RNF130: variants seen among roughly 807,000 people sequenced by gnomAD.
The protein encoded by RNF130 is E3 ubiquitin-protein ligase RNF130.
In RNF130, 21 loss-of-function variants were observed where a neutral mutation model predicts 44.6. That is an observed-to-expected ratio of 0.47 (90% CI 0.33 to 0.68). The LOEUF is 0.68. Ranked by LOEUF, RNF130 falls within the 30% of genes least tolerant of loss-of-function variation. The pLI, the probability that RNF130 is intolerant of heterozygous loss-of-function variation, is 0.02. For missense variants in RNF130, 479 were observed against 560.6 expected (o/e 0.85, Z 1.47); for synonymous variants, 214 against 210.4 (o/e 1.02, Z -0.15).
chr5:179,938,441 G>C (rs937666564), intron 7 of RNF130, among the ~76,000 whole-genome samples: 5 of 151,582 alleles, frequency 3.3e-5, no homozygotes, highest in African/African-American at 1.2e-4. Flanking sequence ...TAATGAGTAG[G>C]GGGTTTCTTT....
intron 7 of RNF130, among the ~76,000 whole-genome samples, chr5:179,929,875 A>T (rs537789852): frequency 3.3e-5 from 5 of 152,206 alleles, no homozygotes; most frequent in Admixed American, 3.3e-4. Flanking sequence ...CCTCCATAGT[A>T]TCGTGTCACT....
chr5:180,070,386 T>C (rs573020775), intron 1 of RNF130, among the ~76,000 whole-genome samples: 1 of 152,346 alleles, frequency 6.6e-6, no homozygotes, highest in Non-Finnish European at 1.5e-5. Flanking sequence ...CCTTATGTGA[T>C]TATTTTTCCC....
intron 5 of RNF130, among the ~76,000 whole-genome samples, chr5:179,971,155 A>C (rs1184919344): frequency 6.6e-6 from 1 of 152,104 alleles, no homozygotes; most frequent in African/African-American, 2.4e-5. Flanking sequence ...GACTGGAAAT[A>C]AGTCAGTCAT....
chr5:179,974,029 G>A (rs958576966), intron 5 of RNF130, among the ~76,000 whole-genome samples: 3 of 152,164 alleles, frequency 2.0e-5, no homozygotes, highest in African/African-American at 7.2e-5. Flanking sequence ...GAAGAGTGCT[G>A]CGGGAGGGGA....
At chr5:179,935,779 A>G (rs1582128309) in intron 7 of RNF130, among the ~76,000 whole-genome samples, 1 of 123,344 alleles carries the variant, frequency 8.1e-6, no homozygotes, top group South Asian at 3.2e-4. Context: ...AGATCATTTT[A>G]CTTTTTTTTT....
intron 7 of RNF130, chr5:179,933,855 CT>C: frequency 1.3e-6 from 1 of 791,000 alleles, no homozygotes; most frequent in Non-Finnish European, 2.1e-6. Context: ...TGTCTTGCTT[CT>C]TCATGGTCCA....
intron 5 of RNF130, among the ~76,000 whole-genome samples, chr5:179,972,414 C>T (rs1278494149): frequency 6.6e-6 from 1 of 152,192 alleles, no homozygotes; most frequent in Non-Finnish European, 1.5e-5. Context: ...CAGGTCAGGC[C>T]TACACAGGGT....
chr5:179,985,990 C>T (rs1762942816), intron 3 of RNF130, among the ~76,000 whole-genome samples: 1 of 152,250 alleles, frequency 6.6e-6, no homozygotes, highest in East Asian at 1.9e-4. Context: ...TTTTTAAAGC[C>T]AAATCTCTTT....
exon 8 of RNF130, chr5:179,913,187 G>C (rs1284625050): frequency 6.6e-6 from 1 of 152,340 alleles, no homozygotes; most frequent in African/African-American, 2.4e-5. Context: ...CTTGGCGTCT[G>C]GCTACGGGCG....
intron 1 of RNF130, among the ~76,000 whole-genome samples, chr5:180,048,902 C>T (rs1252038596): frequency 6.6e-6 from 1 of 152,206 alleles, no homozygotes; most frequent in Non-Finnish European, 1.5e-5. Flanking sequence ...CTCTTCACTT[C>T]TGTGCAGCTC....
chr5:179,936,032 A>G (rs996878188), intron 7 of RNF130, among the ~76,000 whole-genome samples: 1 of 152,164 alleles, frequency 6.6e-6, no homozygotes, highest in African/African-American at 2.4e-5. Flanking sequence ...CTCTTCCTGC[A>G]TCTCCGTGTT....
chr5:180,026,693 T>G (rs1582200709), intron 2 of RNF130, among the ~76,000 whole-genome samples: 1 of 152,270 alleles, frequency 6.6e-6, no homozygotes, highest in African/African-American at 2.4e-5. Flanking sequence ...GGAATACTTA[T>G]ATTCCAATGT....
intron 1 of RNF130, among the ~76,000 whole-genome samples, chr5:180,063,434 G>C (rs927918188): frequency 6.6e-6 from 1 of 152,176 alleles, no homozygotes; most frequent in Non-Finnish European, 1.5e-5. Flanking sequence ...ATTGAGATGG[G>C]AAAGACTGGA....
chr5:179,940,664 C>T (rs1761958842), intron 7 of RNF130, among the ~76,000 whole-genome samples: 4 of 151,990 alleles, frequency 2.6e-5, no homozygotes, highest in Admixed American at 6.6e-5. Context: ...CTTAAAATAA[C>T]TTACTGTGAT....
intron 7 of RNF130, among the ~76,000 whole-genome samples, chr5:179,944,909 A>ATATT (rs1436964542): frequency 7.2e-5 from 11 of 152,234 alleles, no homozygotes; most frequent in Admixed American, 7.2e-4. Context: ...TAAGGCACAT[A>ATATT]TATTTGCTCA....
At chr5:179,926,373 C>A (rs529764123) in intron 7 of RNF130, among the ~76,000 whole-genome samples, 1 of 152,066 alleles carries the variant, frequency 6.6e-6, no homozygotes, top group Admixed American at 6.6e-5. Context: ...AGGCCGGGTG[C>A]GGTGGCTCAT....
At chr5:179,971,831 G>A (rs1280976359) in intron 5 of RNF130, among the ~76,000 whole-genome samples, 2 of 152,172 alleles carry the variant, frequency 1.3e-5, no homozygotes, top group Non-Finnish European at 2.9e-5. Context: ...CTGGGATCTG[G>A]AACAAACATT....
intron 1 of RNF130, among the ~76,000 whole-genome samples, chr5:180,042,121 C>T (rs1027002109): frequency 1.3e-5 from 2 of 152,178 alleles, no homozygotes; most frequent in African/African-American, 4.8e-5. Context: ...TGGCTTTCTA[C>T]ACACCTGGAA....
intron 3 of RNF130, among the ~76,000 whole-genome samples, chr5:180,007,059 ATGGATCTCTT>A (rs1763475838): frequency 6.6e-6 from 1 of 152,202 alleles, no homozygotes; most frequent in African/African-American, 2.4e-5. Context: ...TTTACAATAT[ATGGATCTCTT>A]TGGTAGCATG....
Sources: allele counts gnomAD v4.1 joint callset (sites outside exome capture counted in the v4.1 genomes callset), GRCh38; gene constraint gnomAD v4.1.1; transcripts MANE v1.5; gene names NCBI Gene and HGNC (gene_info 2026-07-23, HGNC 2026-07-21).